The following PCDH7 variants were observed in gnomAD, a reference collection of about 807,000 sequenced individuals.
The protein encoded by PCDH7 is protocadherin-7.
Under a neutral mutation model 58.9 loss-of-function variants are expected in PCDH7, and 17 were observed. That is an observed-to-expected ratio of 0.29 (90% CI 0.20 to 0.43). The LOEUF (loss-of-function observed/expected upper bound fraction) is 0.43. Among genes scored for constraint, PCDH7 ranks in the 20% least tolerant of loss-of-function variants. The probability of loss-of-function intolerance (pLI) is 1.00; values close to 1 mark genes in which losing one functional copy is unlikely to be tolerated. For synonymous variants in PCDH7, 664 were observed against 616.4 expected (o/e 1.08, Z -1.14); for missense variants, 1,274 against 1,441.0 (o/e 0.88, Z 1.88).
At chr4:30,973,063 C>G (rs989745838) in intron 3 of PCDH7, among the ~76,000 whole-genome samples, 2 of 151,952 alleles carry the variant, frequency 1.3e-5, no homozygotes, top group Non-Finnish European at 2.9e-5. Flanking sequence ...ATAAGACATA[C>G]AGTCACAAAT....
chr4:30,864,957 T>A (rs1734692281), intron 1 of PCDH7, among the ~76,000 whole-genome samples: 1 of 152,042 alleles, frequency 6.6e-6, no homozygotes, highest in Non-Finnish European at 1.5e-5. Context: ...CAACATAAAT[T>A]AGTACTGAGT....
intron 1 of PCDH7, among the ~76,000 whole-genome samples, chr4:30,826,566 C>T (rs1200764572): frequency 6.6e-6 from 1 of 152,000 alleles, no homozygotes; most frequent in East Asian, 1.9e-4. Context: ...CAGGAGGTTT[C>T]TTCTTTGGGG....
intron 3 of PCDH7, among the ~76,000 whole-genome samples, chr4:30,979,618 T>G (rs574880785): frequency 6.6e-6 from 1 of 151,992 alleles, no homozygotes; most frequent in South Asian, 2.1e-4. Flanking sequence ...ACATGCATAA[T>G]ATGACATGCA....
intron 1 of PCDH7, among the ~76,000 whole-genome samples, chr4:30,870,854 T>C (rs1735486288): frequency 6.6e-6 from 1 of 152,102 alleles, no homozygotes; most frequent in South Asian, 2.1e-4. Context: ...TTCTTAGAGG[T>C]CCACATCTAG....
intron 3 of PCDH7, among the ~76,000 whole-genome samples, chr4:31,011,320 T>A (rs1327972815): frequency 1.3e-5 from 2 of 152,050 alleles, no homozygotes; most frequent in Non-Finnish European, 2.9e-5. Context: ...TTATTCAGTA[T>A]GTCAGTTGAA....
chr4:30,776,858 GGTGTGTGTGTGTGT>G, intron 1 of PCDH7, among the ~76,000 whole-genome samples: 1 of 147,716 alleles, frequency 6.8e-6, no homozygotes, highest in Non-Finnish European at 1.5e-5. Flanking sequence ...TTTGATATGT[GGTGTGTGTGTGTGT>G]GTGTGTGTGT....
chr4:30,784,196 A>C (rs1230783716), intron 1 of PCDH7, among the ~76,000 whole-genome samples: 1 of 152,126 alleles, frequency 6.6e-6, no homozygotes, highest in African/African-American at 2.4e-5. Context: ...ATCCAGTTCT[A>C]CTCTGACCCT....
intron 1 of PCDH7, among the ~76,000 whole-genome samples, chr4:30,815,141 T>C (rs2109316792): frequency 6.6e-6 from 1 of 152,136 alleles, no homozygotes; most frequent in South Asian, 2.1e-4. Context: ...TGCATGCATA[T>C]ATAAATTATA....
At chr4:30,797,865 C>T (rs1260469595) in intron 1 of PCDH7, among the ~76,000 whole-genome samples, 2 of 152,140 alleles carry the variant, frequency 1.3e-5, no homozygotes, top group Non-Finnish European at 2.9e-5. Flanking sequence ...GAGTTTATCA[C>T]ATTCTTAAGA....
At chr4:30,776,636 C>G (rs1722104093) in intron 1 of PCDH7, among the ~76,000 whole-genome samples, 1 of 152,102 alleles carries the variant, frequency 6.6e-6, no homozygotes, top group African/African-American at 2.4e-5. Context: ...TCAGAGACAA[C>G]CAATGAGAGA....
chr4:31,101,209 A>T (rs1269289283), intron 3 of PCDH7, among the ~76,000 whole-genome samples: 3 of 152,266 alleles, frequency 2.0e-5, no homozygotes, highest in East Asian at 3.9e-4. Flanking sequence ...CTCTTGCAAG[A>T]TTTATAAGAA....
At chr4:30,879,903 A>G (rs1014841146) in intron 1 of PCDH7, among the ~76,000 whole-genome samples, 1 of 152,134 alleles carries the variant, frequency 6.6e-6, no homozygotes, top group Admixed American at 6.5e-5. Flanking sequence ...ATTTGATAAA[A>G]GATAGAAGCC....
chr4:31,072,106 A>C, intron 3 of PCDH7, among the ~76,000 whole-genome samples: 1 of 152,208 alleles, frequency 6.6e-6, no homozygotes, highest in South Asian at 2.1e-4. Flanking sequence ...TCTAAGAAAA[A>C]AAATAGAACT....
intron 3 of PCDH7, among the ~76,000 whole-genome samples, chr4:31,046,893 A>G (rs546777170): frequency 7.2e-5 from 11 of 152,198 alleles, no homozygotes; most frequent in African/African-American, 2.6e-4. Flanking sequence ...TATACATTAT[A>G]AATCCAACAT....
intron 1 of PCDH7, among the ~76,000 whole-genome samples, chr4:30,748,812 A>G (rs958609656): frequency 1.3e-5 from 2 of 152,288 alleles, no homozygotes; most frequent in Middle Eastern, 6.8e-3. Context: ...TGGGATGTAC[A>G]GGAACTCAAC....
intron 1 of PCDH7, among the ~76,000 whole-genome samples, chr4:30,900,178 C>A (rs1466857993): frequency 6.6e-6 from 1 of 152,138 alleles, no homozygotes; most frequent in East Asian, 1.9e-4. Flanking sequence ...ATTTTCCCCC[C>A]ATATTAGAGA....
chr4:30,971,823 A>G (rs753505543), intron 3 of PCDH7, among the ~76,000 whole-genome samples: 1 of 152,188 alleles, frequency 6.6e-6, no homozygotes, highest in Admixed American at 6.5e-5. Context: ...TTAGCCGTGC[A>G]TGGTGGCACA....
chr4:30,925,407 A>G (rs1482357679), intron 2 of PCDH7, among the ~76,000 whole-genome samples: 6 of 152,148 alleles, frequency 3.9e-5, no homozygotes, highest in African/African-American at 9.7e-5. Flanking sequence ...TGCTGATTTC[A>G]CGTAGATTGA....
At chr4:30,941,009 A>T (rs1256716933) in intron 2 of PCDH7, among the ~76,000 whole-genome samples, 4 of 151,902 alleles carry the variant, frequency 2.6e-5, no homozygotes, top group Non-Finnish European at 5.9e-5. Context: ...GATTTAAATG[A>T]TTGTATTTGG....
Sources: allele counts gnomAD v4.1 joint callset (sites outside exome capture counted in the v4.1 genomes callset), GRCh38; gene constraint gnomAD v4.1.1; transcripts MANE v1.5; gene names NCBI Gene and HGNC (gene_info 2026-07-23, HGNC 2026-07-21).